KCNQ4: variants seen among roughly 807,000 people sequenced by gnomAD.
The protein encoded by KCNQ4 is potassium voltage-gated channel subfamily KQT member 4.
A neutral mutation model predicts 72.6 loss-of-function variants in KCNQ4; 31 were observed. The ratio of observed to expected loss-of-function variants is 0.43; its 90% confidence interval spans 0.32 to 0.58. The LOEUF (loss-of-function observed/expected upper bound fraction) is 0.58, where lower values mean the gene tolerates loss of function less well. Ranked by LOEUF, KCNQ4 falls within the 20% of genes least tolerant of loss-of-function variation. The probability of loss-of-function intolerance (pLI) is 0.08; values close to 1 mark genes in which losing one functional copy is unlikely to be tolerated. For synonymous variants in KCNQ4, 405 were observed against 403.7 expected, an observed-to-expected ratio of 1.00 and a Z score of -0.04; for missense variants, 869 against 962.6, an observed-to-expected ratio of 0.90 and a Z score of 1.29.
chr1:40,827,674 G>T (rs1021666709), intron 9 of KCNQ4, among the ~76,000 whole-genome samples: 2 of 152,180 alleles, frequency 1.3e-5, no homozygotes, highest in Non-Finnish European at 2.9e-5. Flanking sequence ...CTGCCCATGT[G>T]TGCTTCTGCT....
chr1:40,837,689 G>A lies in KCNQ4; in HGVS notation c.1770G>A (p.Gly590=), dbSNP rs762279980. 2.9e-5 allele frequency: 46 copies of A among 1,613,294 alleles called. No homozygotes were observed. Among genetic ancestry groups the A allele is most frequent in the Non-Finnish European group, 3.4e-5 (40 of 1,179,838 alleles). The change falls in exon 13 of 14, where the codon GGG becomes GGA. Residue 590 remains glycine, a synonymous_variant. Transcript: ENST00000347132. ...GGGTGGACCAAATTGTGGGTCGGGG[G>A]CCCGGGGACAGGAAGGCCCGGGAGA... ...QTRVDQIVGR[G]PGDRKAREKG...
intron 7 of KCNQ4, among the ~76,000 whole-genome samples, chr1:40,821,323 G>A (rs1349398260): frequency 2.0e-5 from 3 of 152,228 alleles, no homozygotes; most frequent in South Asian, 4.1e-4. Flanking sequence ...AGGGTGCCTG[G>A]CTGGTGAGGT....
chr1:40,819,123 A>T, intron 4 of KCNQ4: 1 of 318,922 alleles, frequency 3.1e-6, no homozygotes, highest in Non-Finnish European at 5.5e-6. Context: ...GACTCAAGGC[A>T]GGCGGGGTGA....
At chr1:40,815,754 C>T (rs530779621) in intron 1 of KCNQ4, among the ~76,000 whole-genome samples, 54 of 152,262 alleles carry the variant, frequency 3.5e-4, no homozygotes, top group African/African-American at 1.3e-3. Flanking sequence ...GTAAGTGAGC[C>T]AGGGCAGTGC....
chr1:40,803,421 C>T (rs1647643274), intron 1 of KCNQ4, among the ~76,000 whole-genome samples: 1 of 152,214 alleles, frequency 6.6e-6, no homozygotes, highest in Non-Finnish European at 1.5e-5. Flanking sequence ...GCTGTGTCCA[C>T]GCCCTTCTGC....
At chr1:40,803,956 G>A (rs1265646515) in intron 1 of KCNQ4, among the ~76,000 whole-genome samples, 1 of 152,158 alleles carries the variant, frequency 6.6e-6, no homozygotes, top group Admixed American at 6.5e-5. Context: ...TGCCCTCCAC[G>A]GTGCTCCTCT....
intron 10 of KCNQ4, among the ~76,000 whole-genome samples, 175 bp from the exon 11 acceptor site, chr1:40,832,839 G>A (rs1264137875): frequency 1.3e-5 from 2 of 150,176 alleles, no homozygotes; most frequent in African/African-American, 4.9e-5. Flanking sequence ...ACACACTGGG[G>A]CTTTCCACCC....
At chr1:40,798,870 T>C (rs1570806644) in intron 1 of KCNQ4, among the ~76,000 whole-genome samples, 1 of 151,970 alleles carries the variant, frequency 6.6e-6, no homozygotes, top group African/African-American at 2.4e-5. Flanking sequence ...GCATCAAGGG[T>C]TTTTTCTCCT....
In KCNQ4 at chr1:40,819,210, TG is replaced by T. The variant is rs1648202123; in HGVS notation, c.709-134del. 2.3e-5 allele frequency: 24 copies of T among 1,035,918 alleles called. No homozygotes were observed. In the South Asian group the frequency reaches 3.2e-4, roughly 14 times the overall value. The allele number at this position is 1,035,918 out of a possible 1,614,324, so 64.2% of individuals were successfully genotyped here. ...GAAGGCCGGGGCAGGGTCGCCGTGATGGGAGGAGCTGAGAAAGAAAAGCGAG... is the reference window on the plus strand; with the variant it reads ...GAAGGCCGGGGCAGGGTCGCCGTGATGGAGGAGCTGAGAAAGAAAAGCGAG... On this transcript the variant is annotated intron_variant, in intron 4 of 13. Transcript: ENST00000347132.
chr1:40,818,457 C>G (rs767569726), intron 3 of KCNQ4, 48 bp from the exon 4 acceptor site: 72 of 1,596,946 alleles, frequency 4.5e-5, no homozygotes, highest in Non-Finnish European at 6.0e-5. Flanking sequence ...CCTCCGGGTC[C>G]GTGCGCGGGG....
rs1368534226 is a variant in KCNQ4, at chr1:40,784,752, C to A, written c.314+345C>A. Among the ~76,000 whole-genome samples the A allele has an allele frequency of 6.6e-6, 1 of 152,178 alleles. No individual in the cohort carries two copies. Among genetic ancestry groups the A allele is most frequent in the Non-Finnish European group, 1.5e-5 (1 of 68,022 alleles). ...CGAAGTCTGGGGCCCCTGGAGTGGG[C>A]GCCCTTTTCCTCTTCCCCACCCCTG... is the stretch of plus-strand genomic sequence containing the variant. On this transcript the variant is annotated intron_variant, in intron 1 of 13. Coordinates refer to ENST00000347132, the MANE Select transcript of KCNQ4 (RefSeq NM_004700.4). This position sits in a 1 kb window ranked among gnomAD's most constrained non-coding sequence, Gnocchi z 4.1.
chr1:40,837,923 C>G, intron 13 of KCNQ4, 129 bp downstream of exon 13: 1 of 1,293,836 alleles, frequency 7.7e-7, no homozygotes, highest in Non-Finnish European at 1.1e-6. Context: ...GCCCCCTCCC[C>G]GGCCGAAGCC....
At chr1:40,804,491 T>A (rs12408769) in intron 1 of KCNQ4, among the ~76,000 whole-genome samples, 52,077 of 151,912 alleles carry the variant, frequency 0.34, 9,183 homozygotes, top group Non-Finnish European at 0.39. Flanking sequence ...CAGTATCTGG[T>A]CATATCTTGC....
chr1:40,786,412 G>A (rs1041681564), intron 1 of KCNQ4, among the ~76,000 whole-genome samples: 1 of 152,192 alleles, frequency 6.6e-6, no homozygotes, highest in Non-Finnish European at 1.5e-5. Flanking sequence ...CTAATCCACT[G>A]GCACCTTTGC....
Position 40,832,091 on chromosome 1 carries a change from A to G in KCNQ4, c.1513+787A>G, listed in dbSNP as rs559452496. Among the ~76,000 whole-genome samples the G allele has an allele frequency of 1.3e-4, 20 of 152,362 alleles. No homozygotes were observed. In the South Asian group the frequency reaches 3.3e-3, roughly 25 times the overall value. On this transcript the variant is annotated intron_variant, in intron 10 of 13. Coordinates refer to ENST00000347132, the MANE Select transcript of KCNQ4 (RefSeq NM_004700.4). Reference sequence around the variant, plus strand: ...TGGAGACTTCCACTGTGATTTAGGCAGGAGACTGCCCCTTTCCATGCCTCA... The same window carrying G: ...TGGAGACTTCCACTGTGATTTAGGCGGGAGACTGCCCCTTTCCATGCCTCA...
In KCNQ4 at chr1:40,824,189, C is replaced by T; in HGVS notation, c.1223C>T (p.Ala408Val). The T allele has an allele frequency of 6.3e-7, 1 of 1,585,158 alleles. No homozygotes were observed. The highest frequency in any genetic ancestry group is 8.6e-7 in the Non-Finnish European group (1 of 1,167,018). The change falls in exon 9 of 14, where the codon GCA (alanine) becomes GTA (valine). Residue 408 changes from alanine to valine, a missense_variant. Around this residue, in one of 5 missense-constraint regions of KCNQ4, gnomAD observed 480 missense variants for 501.9 expected, o/e 0.96. Coordinates refer to ENST00000347132, the MANE Select transcript of KCNQ4 (RefSeq NM_004700.4). ...CGGCGGGCGCCGGTACCCGACGGAG[C>T]ACCCTCCCGTTACCCGCCCGTTGCC... is the stretch of plus-strand genomic sequence containing the variant. ...EVRRAPVPDG[A>V]PSRYPPVATC...
At position 40,833,000 on chromosome 1, in the gene KCNQ4, A is replaced by G. The variant is rs752717746; in HGVS notation, c.1514-14A>G. ...CCCTTTGGTGGGCCACTTGCCCCAT[A>G]CCTGCCTTTTCAGATGCCCCCTCAG... On this transcript the variant is annotated splice_polypyrimidine_tract_variant and intron_variant, in intron 10 of 13. Transcript: ENST00000347132. 7 of 1,609,526 alleles carry G rather than the reference A, an allele frequency of 4.3e-6. No individual in the cohort carries two copies.
chr1:40,813,899 C>T (rs1312131593), intron 1 of KCNQ4, among the ~76,000 whole-genome samples: 2 of 152,018 alleles, frequency 1.3e-5, no homozygotes, highest in East Asian at 3.9e-4. Context: ...AGGCATCCGC[C>T]AGCAAGCCCA....
At chr1:40,814,257 TTG>T (rs1648018819) in intron 1 of KCNQ4, among the ~76,000 whole-genome samples, 1 of 151,108 alleles carries the variant, frequency 6.6e-6, no homozygotes, top group Non-Finnish European at 1.5e-5. Context: ...TTTCACGATG[TTG>T]GCCAGGCTGG....
Sources: gnomAD v4.1 joint callset for allele counts (sites outside exome capture counted in the v4.1 genomes callset) on GRCh38, gnomAD v4.1.1 for gene constraint, gnomAD v4.1.1 regional missense constraint, Gnocchi (gnomAD v3.1) non-coding constraint, MANE v1.5 for transcripts, NCBI Gene and HGNC (gene_info 2026-07-23, HGNC 2026-07-21) for gene names.